Variants in USP13 observed in about 807,000 individuals in gnomAD.
The protein encoded by USP13 is ubiquitin specific peptidase 13, also known as ubiquitin carboxyl-terminal hydrolase 13.
A neutral mutation model predicts 107.8 loss-of-function variants in USP13; 68 were observed. That is an observed-to-expected ratio of 0.63 (90% CI 0.52 to 0.77). USP13 has a LOEUF of 0.77. USP13 is among the 30% of genes least tolerant of loss of function. The probability of loss-of-function intolerance (pLI) is 0.00; values close to 1 mark genes in which losing one functional copy is unlikely to be tolerated. For synonymous variants in USP13, 377 were observed against 389.5 expected, an observed-to-expected ratio of 0.97 and a Z score of 0.38; for missense variants, 945 against 1,093.3, an observed-to-expected ratio of 0.86 and a Z score of 1.91.
intron 1 of USP13, among the ~76,000 whole-genome samples, chr3:179,666,018 G>A (rs1018935124): frequency 7.9e-5 from 12 of 152,224 alleles, no homozygotes; most frequent in Non-Finnish European, 1.6e-4. Flanking sequence ...CAGTGCTTTG[G>A]AGGGGTAGGG....
intron 11 of USP13, among the ~76,000 whole-genome samples, chr3:179,741,480 G>A (rs968564443): frequency 3.3e-5 from 5 of 150,786 alleles, no homozygotes; most frequent in African/African-American, 9.8e-5. Flanking sequence ...AAAGCCTCCC[G>A]AGTAGCTGGG....
In USP13 at chr3:179,765,705, T is replaced by C; in HGVS notation, c.2270T>C (p.Leu757Pro). 1 of 1,614,056 alleles carries C rather than the reference T, an allele frequency of 6.2e-7. No individual in the cohort carries two copies. Among genetic ancestry groups the C allele is most frequent in the Non-Finnish European group, 8.5e-7 (1 of 1,179,974 alleles). The change falls in exon 19 of 21, where the codon CTG becomes CCG. Residue 757 changes from leucine to proline, a missense_variant. Transcript: ENST00000263966. ...CTTTTTTGTTGTTAGAATAATAACC[T>C]GGAAAGAGCACTGGATTGGATCTTT... is the stretch of plus-strand genomic sequence containing the variant. ...IQALRATNNN[L>P]ERALDWIFSH...
At chr3:179,755,170 T>C (rs1714746617) in intron 15 of USP13, among the ~76,000 whole-genome samples, 1 of 152,126 alleles carries the variant, frequency 6.6e-6, no homozygotes, top group African/African-American at 2.4e-5. Context: ...TTGAACAGCG[T>C]GAGTTGGTTT....
At chr3:179,679,100 T>G (rs1711559544) in intron 1 of USP13, among the ~76,000 whole-genome samples, 1 of 152,178 alleles carries the variant, frequency 6.6e-6, no homozygotes, top group Non-Finnish European at 1.5e-5. Context: ...CACTTAGAAA[T>G]TCCAGATACA....
intron 6 of USP13, among the ~76,000 whole-genome samples, chr3:179,717,700 C>A (rs1299211186): frequency 2.0e-5 from 3 of 151,962 alleles, no homozygotes; most frequent in Admixed American, 2.0e-4. Context: ...ATTTTTTGAT[C>A]CCTTGTCATA....
At chr3:179,668,702 A>T (rs1019669719) in intron 1 of USP13, among the ~76,000 whole-genome samples, 3 of 152,126 alleles carry the variant, frequency 2.0e-5, no homozygotes, top group African/African-American at 7.2e-5. Flanking sequence ...GATTACAGGC[A>T]TGAGCCACTG....
chr3:179,697,205 A>C (rs1181235789), intron 3 of USP13, among the ~76,000 whole-genome samples: 1 of 152,234 alleles, frequency 6.6e-6, no homozygotes, highest in African/African-American at 2.4e-5. Flanking sequence ...AGTTTCGCTA[A>C]TGGGCCTGTT....
At chr3:179,745,516 T>TCC (rs397964930) in intron 13 of USP13, among the ~76,000 whole-genome samples, 3 of 148,840 alleles carry the variant, frequency 2.0e-5, no homozygotes, top group African/African-American at 7.8e-5. Context: ...CTTCCTTCCT[T>TCC]TCTTTCTTCC....
chr3:179,774,983 G>A (rs1381368281), intron 19 of USP13, among the ~76,000 whole-genome samples: 3 of 152,134 alleles, frequency 2.0e-5, no homozygotes, highest in Non-Finnish European at 4.4e-5. Context: ...ACTGATTGGT[G>A]CGTTTACAAA....
intron 3 of USP13, among the ~76,000 whole-genome samples, chr3:179,699,246 T>G (rs1472573801): frequency 1.3e-5 from 2 of 152,236 alleles, no homozygotes; most frequent in Non-Finnish European, 2.9e-5. Context: ...ATTTTCATAA[T>G]ATATAGAATC....
At chr3:179,669,231 C>T (rs1352903096) in intron 1 of USP13, among the ~76,000 whole-genome samples, 1 of 152,170 alleles carries the variant, frequency 6.6e-6, no homozygotes, top group East Asian at 1.9e-4. Context: ...GAGGCCAAGG[C>T]AAGCAGATCA....
At chr3:179,766,508 T>G (rs1715180690) in intron 19 of USP13, among the ~76,000 whole-genome samples, 1 of 152,176 alleles carries the variant, frequency 6.6e-6, no homozygotes. Flanking sequence ...AGCAAAGTGG[T>G]CTCATCCTTG....
At chr3:179,750,326 G>GTGTGTGTATATATA (rs1553797370) in intron 13 of USP13, among the ~76,000 whole-genome samples, 1 of 75,828 alleles carries the variant, frequency 1.3e-5, no homozygotes, top group Non-Finnish European at 3.0e-5. Flanking sequence ...ATATATGTGT[G>GTGTGTGTATATATA]TATATATATA....
intron 3 of USP13, 62 bp downstream of exon 3, chr3:179,690,363 C>A: frequency 1.4e-6 from 2 of 1,385,470 alleles, no homozygotes; most frequent in Non-Finnish European, 2.0e-6. Context: ...TGTGCATACT[C>A]ATGTGCATCT....
chr3:179,700,959 G>A, intron 3 of USP13, 49 bp from the exon 4 acceptor site: 14 of 1,578,230 alleles, frequency 8.9e-6, no homozygotes, highest in Non-Finnish European at 1.2e-5. Flanking sequence ...CCATAGTGTG[G>A]GATATTATTT....
chr3:179,728,171 C>T (rs1478608080), intron 8 of USP13, among the ~76,000 whole-genome samples: 1 of 142,988 alleles, frequency 7.0e-6, no homozygotes, highest in African/African-American at 2.5e-5. Context: ...CCCTCACCTC[C>T]CGGACGGGGC....
intron 15 of USP13, among the ~76,000 whole-genome samples, chr3:179,756,170 A>G (rs957601620): frequency 2.6e-5 from 4 of 152,280 alleles, no homozygotes; most frequent in South Asian, 2.1e-4. Flanking sequence ...CACATGTATA[A>G]TCCCAGCACT....
chr3:179,721,290 T>C lies in USP13; in HGVS notation c.901-112T>C, dbSNP rs1713306945. The C allele has an allele frequency of 1.7e-6, 2 of 1,152,042 alleles. No homozygotes were observed. The highest frequency in any genetic ancestry group is 1.6e-5 in the African/African-American group (1 of 64,260). The allele number at this position is 1,152,042 out of a possible 1,614,324, so 71.4% of individuals were successfully genotyped here. ...TTGCATTGTTTATTTCTCTATGTAATTGGGGAAAAAAATGGCAGAAACATC... is the reference window on the plus strand; with the variant it reads ...TTGCATTGTTTATTTCTCTATGTAACTGGGGAAAAAAATGGCAGAAACATC... On this transcript the variant is annotated intron_variant, in intron 7 of 20. Transcript: ENST00000263966. This position sits in a 1 kb window ranked among gnomAD's most constrained non-coding sequence, Gnocchi z 4.3.
chr3:179,728,420 T>G (rs1425150096), intron 8 of USP13, among the ~76,000 whole-genome samples: 11 of 122,546 alleles, frequency 9.0e-5, no homozygotes, highest in South Asian at 5.5e-4. Flanking sequence ...TTCCCAGATG[T>G]GATGGCGGCC....
Sources: gnomAD v4.1 joint callset for allele counts (sites outside exome capture counted in the v4.1 genomes callset) on GRCh38, gnomAD v4.1.1 for gene constraint, Gnocchi (gnomAD v3.1) non-coding constraint, MANE v1.5 for transcripts, NCBI Gene and HGNC (gene_info 2026-07-23, HGNC 2026-07-21) for gene names.